RGS5: variants seen among roughly 807,000 people sequenced by gnomAD.
The protein encoded by RGS5 is regulator of G-protein signalling 5.
A neutral mutation model predicts 18.9 loss-of-function variants in RGS5; 20 were observed. The ratio of observed to expected loss-of-function variants is 1.06; its 90% confidence interval spans 0.74 to 1.54. The LOEUF is 1.54. RGS5 is among the 40% of genes most tolerant of loss of function. The probability of loss-of-function intolerance (pLI) is 0.00; values close to 1 mark genes in which losing one functional copy is unlikely to be tolerated. For missense variants in RGS5, 201 were observed against 211.8 expected, an observed-to-expected ratio of 0.95 and a Z score of 0.32; for synonymous variants, 57 against 76.2, an observed-to-expected ratio of 0.75 and a Z score of 1.31.
At chr1:163,276,316 C>T (rs551490386) in intron 2 of RGS5, among the ~76,000 whole-genome samples, 3 of 152,070 alleles carry the variant, frequency 2.0e-5, no homozygotes, top group African/African-American at 7.2e-5. Flanking sequence ...TTAATCCATC[C>T]CAACCATAAA....
intron 1 of RGS5, among the ~76,000 whole-genome samples, chr1:163,185,245 A>G (rs1366484173): frequency 6.6e-6 from 1 of 151,966 alleles, no homozygotes; most frequent in East Asian, 1.9e-4. Flanking sequence ...AGTGGGCTTC[A>G]TTTTTATGGC....
chr1:163,154,384 A>T (rs1007704727), intron 3 of RGS5, among the ~76,000 whole-genome samples: 5 of 152,176 alleles, frequency 3.3e-5, no homozygotes, highest in Non-Finnish European at 5.9e-5. Flanking sequence ...AAGAATGGCT[A>T]GGATGATCGT....
At chr1:163,153,012 T>A (rs1413671406) in intron 3 of RGS5, among the ~76,000 whole-genome samples, 1 of 152,206 alleles carries the variant, frequency 6.6e-6, no homozygotes, top group East Asian at 1.9e-4. Context: ...ATGCAATGTC[T>A]ATTTAAGTGA....
At chr1:163,170,658 T>C (rs999420606) in intron 1 of RGS5, among the ~76,000 whole-genome samples, 1 of 152,196 alleles carries the variant, frequency 6.6e-6, no homozygotes, top group Non-Finnish European at 1.5e-5. Flanking sequence ...CTAGTAAATA[T>C]GGTTTTGAAA....
Position 163,152,715 on chromosome 1 carries a change from A to C in RGS5, c.219T>G (p.Tyr73Ter). The C allele has an allele frequency of 6.3e-7, 1 of 1,576,332 alleles. No homozygotes were observed. Among genetic ancestry groups the C allele is most frequent in the Non-Finnish European group, 8.6e-7 (1 of 1,166,582 alleles). ...DSLDKLLQNN[Y>*]GLASFKSFLK... Reference sequence around the variant, plus strand: ...GGAAACTTTTGAAACTGGCAAGTCCATCTGGAAAGAAAAAAACAGTCAGCT... The same window carrying C: ...GGAAACTTTTGAAACTGGCAAGTCCCTCTGGAAAGAAAAAAACAGTCAGCT... The change falls in exon 4 of 5, where the codon TAT becomes TAG. Residue 73 changes from tyrosine (Y) to a stop codon, truncating the protein, a stop_gained and splice_region_variant. Coordinates refer to ENST00000313961, the MANE Select transcript of RGS5 (RefSeq NM_003617.4). LOFTEE classifies it high-confidence loss of function.
intron 2 of RGS5, among the ~76,000 whole-genome samples, chr1:163,273,884 C>A (rs918253427): frequency 6.6e-6 from 1 of 152,042 alleles, no homozygotes. Flanking sequence ...AAATCTGATT[C>A]TCTGGAATGT....
intron 1 of RGS5, among the ~76,000 whole-genome samples, chr1:163,173,751 A>G (rs1658412849): frequency 6.6e-6 from 1 of 152,178 alleles, no homozygotes; most frequent in African/African-American, 2.4e-5. Context: ...TATTTTTCCA[A>G]TCACTGATGA....
chr1:163,152,448 GA>G, intron 4 of RGS5, 101 bp downstream of exon 4: 1 of 1,248,712 alleles, frequency 8.0e-7, no homozygotes, highest in African/African-American at 1.5e-5. Flanking sequence ...TCACAAATAG[GA>G]ATAGCCTTTG....
rs79091492 is a variant in RGS5 at position 163,173,119 on chromosome 1, A to G, written c.45-4751T>C. On this transcript the variant is annotated intron_variant, in intron 1 of 4. Transcript: ENST00000313961. Reference sequence around the variant, plus strand: ...AAGATAATTTTCTAATTTGTTTACAATTTCCTGCTTGGTCTCGGGCTCTAT... The same window carrying G: ...AAGATAATTTTCTAATTTGTTTACAGTTTCCTGCTTGGTCTCGGGCTCTAT... 9.5e-3 allele frequency among the ~76,000 whole-genome samples: 1,439 copies of G among 152,238 alleles called. 22 individuals are homozygous for G. Among genetic ancestry groups the G allele is most frequent in the African/African-American group, 0.032 (1,318 of 41,518 alleles).
chr1:163,255,454 T>C (rs1648246608), intron 2 of RGS5, among the ~76,000 whole-genome samples: 1 of 152,088 alleles, frequency 6.6e-6, no homozygotes, highest in South Asian at 2.1e-4. Flanking sequence ...GGCTCTGAAA[T>C]AGTGGCAATA....
At chr1:163,211,544 G>C (rs1161276078) in intron 1 of RGS5, 1 of 152,100 alleles carries the variant, frequency 6.6e-6, no homozygotes, top group Non-Finnish European at 1.5e-5. Flanking sequence ...ATCGTGACTG[G>C]AAAACTATAT....
intron 2 of RGS5, among the ~76,000 whole-genome samples, chr1:163,292,608 T>C (rs760294462): frequency 3.3e-5 from 5 of 152,216 alleles, no homozygotes; most frequent in African/African-American, 4.8e-5. Context: ...TTTTCTACCA[T>C]GGTTGAACTA....
chr1:163,208,892 GTAT>G (rs1227390298), intron 1 of RGS5, among the ~76,000 whole-genome samples: 1 of 149,712 alleles, frequency 6.7e-6, no homozygotes, highest in Admixed American at 6.6e-5. Flanking sequence ...CAAAAAATAA[GTAT>G]TATGGTCAAA....
chr1:163,166,611 G>A (rs375398820), intron 2 of RGS5, among the ~76,000 whole-genome samples: 2 of 152,164 alleles, frequency 1.3e-5, no homozygotes, highest in African/African-American at 4.8e-5. Flanking sequence ...TTTTTTATTG[G>A]TCACTGTTGA....
intron 2 of RGS5, among the ~76,000 whole-genome samples, chr1:163,293,152 T>C (rs1649336375): frequency 6.6e-6 from 1 of 152,214 alleles, no homozygotes; most frequent in Non-Finnish European, 1.5e-5. Flanking sequence ...GTTTGGAGTT[T>C]TACATTTAAG....
Position 163,258,605 on chromosome 1 carries a change from C to T in RGS5, c.-281+47628G>A, listed in dbSNP as rs200461689. Among the ~76,000 whole-genome samples, 9 of 152,132 alleles carry T rather than the reference C, an allele frequency of 5.9e-5. No individual in the cohort carries two copies. The East Asian group carries it at 1.2e-3, about 20-fold the overall frequency. On this transcript the variant is annotated intron_variant, in intron 2 of 5. Coordinates refer to the RGS5 transcript ENST00000618415. The stretch of plus-strand genomic sequence containing the variant: ...TTAAGTTATTTAACCAAAACATCCA[C>T]ACCCTTGTCTTCAAGAGGAAAATGC...
chr1:163,215,854 C>T (rs745996750), intron 1 of RGS5, among the ~76,000 whole-genome samples: 5 of 151,798 alleles, frequency 3.3e-5, no homozygotes, highest in Non-Finnish European at 7.4e-5. Flanking sequence ...CACTAGAGGC[C>T]AGAAGTTTGA....
chr1:163,178,854 G>C (rs1658679186), intron 1 of RGS5, among the ~76,000 whole-genome samples: 1 of 152,156 alleles, frequency 6.6e-6, no homozygotes, highest in African/African-American at 2.4e-5. Flanking sequence ...ATCAAGAAAA[G>C]ACTAGCAACC....
At chr1:163,262,666 T>C (rs1648476723) in intron 2 of RGS5, among the ~76,000 whole-genome samples, 2 of 134,702 alleles carry the variant, frequency 1.5e-5, no homozygotes, top group Admixed American at 7.8e-5. Context: ...CATTTGGGTA[T>C]ATACCCAGTA....
Sources: gnomAD v4.1 joint callset for allele counts (sites outside exome capture counted in the v4.1 genomes callset) on GRCh38, gnomAD v4.1.1 for gene constraint, MANE v1.5 for transcripts, NCBI Gene and HGNC (gene_info 2026-07-23, HGNC 2026-07-21) for gene names.